Variants in DHX33 observed in about 807,000 individuals in gnomAD.
The protein encoded by DHX33 is ATP-dependent RNA helicase DHX33.
Under a neutral mutation model 72.5 loss-of-function variants are expected in DHX33, and 42 were observed. The observed-to-expected ratio is 0.58, with a 90% CI of 0.45 to 0.75. The LOEUF is 0.75. Among genes scored for constraint, DHX33 ranks in the 30% least tolerant of loss-of-function variants. DHX33 has a pLI of 0.00. For missense variants in DHX33, 842 were observed against 917.5 expected (o/e 0.92, Z 1.06); for synonymous variants, 358 against 366.1 (o/e 0.98, Z 0.25).
At chr17:5,451,383 G>A (rs1239108465) in intron 8 of DHX33, among the ~76,000 whole-genome samples, 2 of 152,156 alleles carry the variant, frequency 1.3e-5, no homozygotes, top group African/African-American at 4.8e-5. Context: ...AGGATTACAG[G>A]TGTGAGCCAC....
chr17:5,467,678 T>C (rs1904935947), intron 1 of DHX33, among the ~76,000 whole-genome samples: 1 of 151,842 alleles, frequency 6.6e-6, no homozygotes, highest in Admixed American at 6.6e-5. Flanking sequence ...GCCGGAAAAA[T>C]GTCTGCCCCA....
In DHX33 at chr17:5,441,126, GA is replaced by G. The variant is rs145350626; in HGVS notation, c.*3078del. On this transcript the variant is annotated 3_prime_UTR_variant, in exon 12 of 12. Transcript: ENST00000225296. ...GCCTACTATCACACTGGTCTTTAAAGAAAAAAAAAAATGCATGGCCACAGTT... is the reference window on the plus strand; with the variant it reads ...GCCTACTATCACACTGGTCTTTAAAGAAAAAAAAAATGCATGGCCACAGTT... 13,258 of 144,542 alleles carry G rather than the reference GA, an allele frequency of 0.092. 704 individuals are homozygous for G. Among genetic ancestry groups the G allele is most frequent in the East Asian group, 0.21 (1,006 of 4,854 alleles). The allele number at this position is 144,542 out of a possible 1,614,324, so 9.0% of individuals were successfully genotyped here.
intron 3 of DHX33, among the ~76,000 whole-genome samples, chr17:5,461,937 T>C (rs1241629338): frequency 1.7e-5 from 1 of 58,758 alleles, no homozygotes; most frequent in Admixed American, 1.3e-4. Flanking sequence ...GAACTTTCAC[T>C]TTTTTTTTTT....
At chr17:5,454,878 G>A (rs1031646276) in intron 6 of DHX33, among the ~76,000 whole-genome samples, 1 of 152,168 alleles carries the variant, frequency 6.6e-6, no homozygotes, top group Non-Finnish European at 1.5e-5. Flanking sequence ...TGGCCTTAGA[G>A]CCGACTTCTG....
chr17:5,467,670 C>T (rs1440535958), intron 1 of DHX33, among the ~76,000 whole-genome samples: 2 of 152,084 alleles, frequency 1.3e-5, no homozygotes, highest in South Asian at 2.1e-4. Flanking sequence ...CCCCTCGGGC[C>T]GGAAAAATGT....
intron 4 of DHX33, 136 bp downstream of exon 4, chr17:5,460,803 G>T: frequency 9.3e-7 from 1 of 1,073,826 alleles, no homozygotes; most frequent in South Asian, 1.7e-5. Context: ...CACCGCACCT[G>T]GCCTCCTTAT....
chr17:5,466,121 G>C (rs1265248805), intron 1 of DHX33, among the ~76,000 whole-genome samples: 5 of 152,128 alleles, frequency 3.3e-5, no homozygotes, highest in Admixed American at 3.3e-4. Flanking sequence ...AGAACTGTTT[G>C]ACTTCAGGAT....
At chr17:5,461,222 T>A in intron 3 of DHX33, 113 bp from the exon 4 acceptor site, 1 of 1,143,334 alleles carries the variant, frequency 8.7e-7, no homozygotes, top group Non-Finnish European at 1.2e-6. Flanking sequence ...CCATCACAGT[T>A]TACTTTCTTC....
Position 5,444,235 on chromosome 17 carries a change from A to G in DHX33, c.2094T>C (p.Phe698=). The change falls in exon 12 of 12, where the codon TTT becomes TTC. Residue 698 remains phenylalanine (F), a synonymous_variant. Coordinates refer to ENST00000225296, the MANE Select transcript of DHX33 (RefSeq NM_020162.4). This position sits in a 1 kb window ranked among gnomAD's most constrained non-coding sequence, Gnocchi z 4.9. ...TTCTGGCGGTTCTCAGCTTCCTCCT[A>G]AAGTACTCAGGGGCAGCCTCGTACA... The part of the protein sequence containing the change: ...QWLYEAAPEY[F]RRKLRTARN 3 of 1,614,154 alleles carry G rather than the reference A, an allele frequency of 1.9e-6. No homozygotes were observed. The highest frequency in any genetic ancestry group is 1.3e-5 in the African/African-American group (1 of 75,046).
At position 5,444,140 on chromosome 17, in the gene DHX33, G is replaced by A. The variant is rs1916538727; in HGVS notation, c.*65C>T. The A allele has an allele frequency of 6.5e-7, 1 of 1,543,072 alleles. No individual in the cohort carries two copies. The highest frequency in any genetic ancestry group is 1.3e-5 in the South Asian group (1 of 79,812). On this transcript the variant is annotated 3_prime_UTR_variant, in exon 12 of 12. Coordinates refer to ENST00000225296, the MANE Select transcript of DHX33 (RefSeq NM_020162.4). This position sits in a 1 kb window ranked among gnomAD's most constrained non-coding sequence, Gnocchi z 4.9. ...TCTCTAAGCGCCAACCTGGAAGCCT[G>A]CTGTAAGGACAACTGTAGTCCAAGC...
rs762682326 is a variant in DHX33, at chr17:5,463,699, A to AG, written c.290-11dup. 2.7e-4 allele frequency: 425 copies of AG among 1,552,676 alleles called. No homozygotes were observed. Among genetic ancestry groups the AG allele is most frequent in the South Asian group, 1.7e-3 (143 of 84,592 alleles). On this transcript the variant is annotated splice_polypyrimidine_tract_variant and intron_variant, in intron 1 of 11. Coordinates refer to ENST00000225296, the MANE Select transcript of DHX33 (RefSeq NM_020162.4). ...CCAGAGCCAGTTTCCCCTAGGAGAG[A>AG]GGGGGAAAAAAAAAAAAGGCTCACT...
intron 11 of DHX33, among the ~76,000 whole-genome samples, chr17:5,445,590 G>C (rs1272963722): frequency 6.6e-6 from 1 of 152,236 alleles, no homozygotes; most frequent in East Asian, 1.9e-4. Context: ...CCTGGGCACA[G>C]ATGAACAAAC....
At chr17:5,459,888 C>T (rs563379438) in intron 4 of DHX33, among the ~76,000 whole-genome samples, 1 of 148,964 alleles carries the variant, frequency 6.7e-6, no homozygotes, top group Admixed American at 6.6e-5. Flanking sequence ...CTCAAGTGAT[C>T]CTCCTGCCTT....
Position 5,450,337 on chromosome 17 carries a change from CCA to C in DHX33, c.1592_1593del (p.Val531GlyfsTer45). 1 of 1,614,078 alleles carries C rather than the reference CCA, an allele frequency of 6.2e-7. No homozygotes were observed. Among genetic ancestry groups the C allele is most frequent in the Non-Finnish European group, 8.5e-7 (1 of 1,180,024 alleles). On this transcript the variant is annotated frameshift_variant, in exon 10 of 12. Transcript: ENST00000225296. LOFTEE classifies it high-confidence loss of function. The stretch of plus-strand genomic sequence containing the variant: ...GAAGGAGGGTTGTGGAGGACGCTGT[CCA>C]CAGACAGCAGGGAGACAATGGTCAG... ...EILTIVSLLS[V>X]DSVLHNPPSR...
At chr17:5,453,494 C>A in intron 8 of DHX33, 86 bp downstream of exon 8, 1 of 1,047,550 alleles carries the variant, frequency 9.5e-7, no homozygotes, top group Non-Finnish European at 1.5e-6. Context: ...AAGGAGATGA[C>A]CAATATACTT....
rs1597353168 is a variant in DHX33 at position 5,443,498 on chromosome 17, G to A, written c.*707C>T. On this transcript the variant is annotated 3_prime_UTR_variant, in exon 12 of 12. Transcript: ENST00000225296. ...TGACAGGGTCACGCACTGAGGACCA[G>A]GAGGCTCCTTTACTGGTCTCTGCTT... 6.6e-6 allele frequency: 1 copy of A among 152,124 alleles called. No homozygotes were observed. Among genetic ancestry groups the A allele is most frequent in the East Asian group, 1.9e-4 (1 of 5,188 alleles). The allele number at this position is 152,124 out of a possible 1,614,324, so 9.4% of individuals were successfully genotyped here. A position where few individuals can be genotyped will look rare whatever the true frequency, so the allele number is the denominator to read the frequency against.
At chr17:5,460,855 G>T in intron 4 of DHX33, 84 bp downstream of exon 4, 5 of 1,480,764 alleles carry the variant, frequency 3.4e-6, no homozygotes, top group Non-Finnish European at 4.6e-6. Context: ...TTATTCAGTA[G>T]CTTTTCTTTT....
intron 4 of DHX33, among the ~76,000 whole-genome samples, chr17:5,458,964 G>A (rs1471582229): frequency 6.6e-6 from 1 of 152,310 alleles, no homozygotes; most frequent in African/African-American, 2.4e-5. Flanking sequence ...TTGGGAGGCT[G>A]AGTCGGGAAA....
chr17:5,468,471 G>A, intron 1 of DHX33, 100 bp downstream of exon 1: 1 of 1,425,498 alleles, frequency 7.0e-7, no homozygotes, highest in Admixed American at 2.3e-5. Context: ...CAGGTTTGTT[G>A]AAGCCACGAA....
Sources: gnomAD v4.1 joint callset for allele counts (sites outside exome capture counted in the v4.1 genomes callset) on GRCh38, gnomAD v4.1.1 for gene constraint, Gnocchi (gnomAD v3.1) non-coding constraint, MANE v1.5 for transcripts, NCBI Gene and HGNC (gene_info 2026-07-23, HGNC 2026-07-21) for gene names.